Variants in LRRC7 observed in about 807,000 individuals in gnomAD.
LRRC7 encodes leucine rich repeat containing 7.
A neutral mutation model predicts 175.7 loss-of-function variants in LRRC7; 23 were observed. The observed-to-expected ratio is 0.13, with a 90% CI of 0.09 to 0.19. The LOEUF (loss-of-function observed/expected upper bound fraction) is 0.19, where lower values mean the gene tolerates loss of function less well. Ranked by LOEUF, LRRC7 falls within the 10% of genes least tolerant of loss-of-function variation. The pLI, the probability that LRRC7 is intolerant of heterozygous loss-of-function variation, is 1.00. For missense variants in LRRC7, 1,354 were observed against 1,904.7 expected (o/e 0.71, Z 5.38); for synonymous variants, 685 against 680.9 (o/e 1.01, Z -0.09).
chr1:69,691,818 A>G (rs1029080798), intron 2 of LRRC7, among the ~76,000 whole-genome samples: 16 of 119,884 alleles, frequency 1.3e-4, no homozygotes, highest in South Asian at 3.2e-4. Context: ...AAAAAAAAAA[A>G]AAAGAAAAGA....
At chr1:69,673,043 C>T (rs1460794711) in intron 1 of LRRC7, among the ~76,000 whole-genome samples, 1 of 152,156 alleles carries the variant, frequency 6.6e-6, no homozygotes, top group Non-Finnish European at 1.5e-5. Flanking sequence ...TGAATGAATT[C>T]AATGGACTTG....
chr1:69,899,277 A>C (rs1293588568), intron 7 of LRRC7, among the ~76,000 whole-genome samples: 2 of 152,164 alleles, frequency 1.3e-5, no homozygotes. Flanking sequence ...GGAATTGTTT[A>C]TGATCAGCAG....
intron 1 of LRRC7, among the ~76,000 whole-genome samples, chr1:69,605,369 G>A (rs150555614): frequency 1.3e-5 from 2 of 152,104 alleles, no homozygotes; most frequent in Non-Finnish European, 2.9e-5. Flanking sequence ...CTAGTCTGGG[G>A]TATATCTTTA....
At chr1:69,669,085 T>C (rs975179242) in intron 1 of LRRC7, among the ~76,000 whole-genome samples, 1 of 152,226 alleles carries the variant, frequency 6.6e-6, no homozygotes, top group Non-Finnish European at 1.5e-5. Flanking sequence ...TTAGTCTCTC[T>C]ACTTAAGATA....
chr1:70,044,753 A>T (rs1660197561), intron 22 of LRRC7, among the ~76,000 whole-genome samples: 1 of 152,126 alleles, frequency 6.6e-6, no homozygotes, highest in Non-Finnish European at 1.5e-5. Context: ...GTTAAAGGAA[A>T]ATTTCTGTTT....
At chr1:70,059,126 T>C (rs1254863087) in intron 23 of LRRC7, among the ~76,000 whole-genome samples, 15 of 152,188 alleles carry the variant, frequency 9.9e-5, no homozygotes, top group Non-Finnish European at 2.9e-5. Flanking sequence ...GAAAATTCTT[T>C]AGTAACAAAA....
Position 70,137,484 on chromosome 1 carries a change from A to G in LRRC7, c.*15597A>G, listed in dbSNP as rs529680262. On this transcript the variant is annotated 3_prime_UTR_variant, in exon 27 of 27. Coordinates refer to ENST00000651989, the MANE Select transcript of LRRC7 (RefSeq NM_001370785.2). ...GTACGTACATCTGGTGGACTTGCAT[A>G]TCTTTAACACTTATCATGTACCTAC... Among the ~76,000 whole-genome samples, 3 of 152,324 alleles carry G rather than the reference A, an allele frequency of 2.0e-5. No individual in the cohort carries two copies. The South Asian group carries it at 6.2e-4, about 32-fold the overall frequency.
chr1:69,700,007 T>G (rs1321656661), intron 2 of LRRC7, among the ~76,000 whole-genome samples: 2 of 152,166 alleles, frequency 1.3e-5, no homozygotes, highest in African/African-American at 4.8e-5. Context: ...GGGTGGAAAA[T>G]GTACTCATGT....
intron 11 of LRRC7, among the ~76,000 whole-genome samples, chr1:69,999,919 C>A (rs1301947695): frequency 1.3e-5 from 2 of 152,152 alleles, no homozygotes; most frequent in African/African-American, 4.8e-5. Context: ...TCCAGACTTA[C>A]TGGCACACTG....
chr1:69,742,835 A>C (rs1668855343), intron 2 of LRRC7, among the ~76,000 whole-genome samples: 1 of 151,980 alleles, frequency 6.6e-6, no homozygotes, highest in Admixed American at 6.6e-5. Flanking sequence ...TAAATGACAA[A>C]TAATTTTTTA....
intron 7 of LRRC7, among the ~76,000 whole-genome samples, chr1:69,909,186 T>G (rs1457429265): frequency 3.9e-5 from 6 of 152,184 alleles, no homozygotes; most frequent in African/African-American, 1.2e-4. Context: ...ATGGGTTTCC[T>G]GAATACAGCA....
rs1667008185 is a variant in LRRC7, at chr1:70,140,114, TGTC to T, written c.*18229_*18231del. The T allele has an allele frequency of 6.6e-6, 1 of 152,148 alleles. No homozygotes were observed. 9.4% of individuals were successfully genotyped at this position (152,148 alleles called of 1,614,324 possible). On this transcript the variant is annotated 3_prime_UTR_variant, in exon 27 of 27. Transcript: ENST00000651989. ...TAATAAACTAGATGTGCAATAATCT[TGTC>T]GAGTAGTATGTGCTGGTTTTGGAAA...
chr1:69,764,778 T>TAGATAGATAGATAGATAGAC (rs1427408341), intron 3 of LRRC7, among the ~76,000 whole-genome samples: 52 of 144,522 alleles, frequency 3.6e-4, no homozygotes, highest in African/African-American at 1.3e-3. Flanking sequence ...GATAGATAGA[T>TAGATAGATAGATAGATAGAC]AGACAGACAG....
chr1:69,570,421 ACCGC>A (rs1373076376), intron 1 of LRRC7, among the ~76,000 whole-genome samples: 1 of 151,968 alleles, frequency 6.6e-6, no homozygotes, highest in African/African-American at 2.4e-5. Context: ...GCCTTTTTTT[ACCGC>A]CCACCCTTCA....
chr1:70,026,121 A>T (rs1658074570), intron 17 of LRRC7, among the ~76,000 whole-genome samples: 1 of 152,166 alleles, frequency 6.6e-6, no homozygotes, highest in South Asian at 2.1e-4. Flanking sequence ...ACATTACATT[A>T]TTCAATGAAG....
At chr1:70,056,695 G>T (rs1391157560) in intron 23 of LRRC7, among the ~76,000 whole-genome samples, 1 of 152,036 alleles carries the variant, frequency 6.6e-6, no homozygotes, top group African/African-American at 2.4e-5. Context: ...ACATCTCATT[G>T]ACCCAAAAGA....
intron 7 of LRRC7, among the ~76,000 whole-genome samples, chr1:69,886,791 G>T (rs1645640446): frequency 6.6e-6 from 1 of 150,532 alleles, no homozygotes; most frequent in African/African-American, 2.4e-5. Flanking sequence ...CTTCCTTCAG[G>T]AGCTCTTTTA....
At chr1:69,869,405 A>G (rs1267568125) in intron 7 of LRRC7, among the ~76,000 whole-genome samples, 1 of 152,084 alleles carries the variant, frequency 6.6e-6, no homozygotes, top group East Asian at 1.9e-4. Context: ...ATCATCAATG[A>G]AGGTTAAAAA....
At chr1:69,607,970 A>G (rs1647895395) in intron 1 of LRRC7, 1 of 152,276 alleles carries the variant, frequency 6.6e-6, no homozygotes, top group Non-Finnish European at 1.5e-5. Flanking sequence ...AAAGGGACAT[A>G]TTTCCTGGTT....
Sources: gnomAD v4.1 joint callset for allele counts (sites outside exome capture counted in the v4.1 genomes callset) on GRCh38, gnomAD v4.1.1 for gene constraint, MANE v1.5 for transcripts, NCBI Gene and HGNC (gene_info 2026-07-23, HGNC 2026-07-21) for gene names.